SPOCK1: variants seen among roughly 807,000 people sequenced by gnomAD.
SPOCK1 encodes the protein SPARC (osteonectin), cwcv and kazal like domains proteoglycan 1, also known as testican-1.
Under a neutral mutation model 55.3 loss-of-function variants are expected in SPOCK1, and 23 were observed. The observed-to-expected ratio is 0.42, with a 90% confidence interval of 0.30 to 0.59. The LOEUF (loss-of-function observed/expected upper bound fraction) is 0.59, where lower values mean the gene tolerates loss of function less well. Ranked by LOEUF, SPOCK1 falls within the 20% of genes least tolerant of loss-of-function variation. The pLI, the probability that SPOCK1 is intolerant of heterozygous loss-of-function variation, is 0.22. For missense variants in SPOCK1, 499 were observed against 552.5 expected, an observed-to-expected ratio of 0.90 and a Z score of 0.97; for synonymous variants, 226 against 221.0, an observed-to-expected ratio of 1.02 and a Z score of -0.20.
At chr5:137,420,565 A>G (rs1389821832) in intron 2 of SPOCK1, among the ~76,000 whole-genome samples, 2 of 152,046 alleles carry the variant, frequency 1.3e-5, no homozygotes, top group East Asian at 1.9e-4. Flanking sequence ...TTTCTTCTAA[A>G]TTTTCTAGTT....
intron 3 of SPOCK1, among the ~76,000 whole-genome samples, chr5:137,162,421 G>T (rs1485217535): frequency 1.3e-5 from 2 of 152,116 alleles, no homozygotes; most frequent in African/African-American, 2.4e-5. Flanking sequence ...TTACAGGTGT[G>T]AGCCACTGCA....
chr5:137,243,164 A>T (rs531203407), intron 3 of SPOCK1, among the ~76,000 whole-genome samples: 97 of 152,294 alleles, frequency 6.4e-4, no homozygotes, highest in African/African-American at 2.3e-3. Context: ...TGTCCCACCT[A>T]CAACTGAGCC....
chr5:137,219,625 T>A (rs574553835), intron 3 of SPOCK1, among the ~76,000 whole-genome samples: 1 of 152,340 alleles, frequency 6.6e-6, no homozygotes, highest in East Asian at 1.9e-4. Flanking sequence ...AAGTATACCT[T>A]ATTGCCAGAA....
At chr5:137,147,923 C>A (rs1754234817) in intron 3 of SPOCK1, among the ~76,000 whole-genome samples, 1 of 152,134 alleles carries the variant, frequency 6.6e-6, no homozygotes, top group African/African-American at 2.4e-5. Flanking sequence ...GATGAGAAAA[C>A]CAATTTGAAA....
chr5:137,364,816 G>C (rs971712450), intron 2 of SPOCK1: 6 of 152,222 alleles, frequency 3.9e-5, no homozygotes, highest in Admixed American at 1.3e-4. Flanking sequence ...TCCTAGCTGA[G>C]GCTCTGTCAC....
chr5:137,245,199 C>G (rs761566104), intron 3 of SPOCK1, among the ~76,000 whole-genome samples: 2 of 152,250 alleles, frequency 1.3e-5, no homozygotes, highest in Non-Finnish European at 2.9e-5. Context: ...CAGGTGAGAG[C>G]TAACATAATT....
chr5:137,219,248 GT>G (rs1755800405), intron 3 of SPOCK1, among the ~76,000 whole-genome samples: 1 of 152,194 alleles, frequency 6.6e-6, no homozygotes, highest in Admixed American at 6.5e-5. Flanking sequence ...TATTTGCAGA[GT>G]GGTAAGTAAG....
At chr5:137,168,284 C>T (rs1754688260) in intron 3 of SPOCK1, among the ~76,000 whole-genome samples, 1 of 151,938 alleles carries the variant, frequency 6.6e-6, no homozygotes, top group Non-Finnish European at 1.5e-5. Flanking sequence ...TGGAAAGTCT[C>T]CAGGACATTG....
chr5:137,011,419 G>A lies in SPOCK1; in HGVS notation c.590-18819C>T, dbSNP rs547645570. Among the ~76,000 whole-genome samples, 11 of 152,242 alleles carry A rather than the reference G, an allele frequency of 7.2e-5. 1 individual carries two copies. In the Middle Eastern group the frequency reaches 0.02, roughly 282 times the overall value. On this transcript the variant is annotated intron_variant, in intron 6 of 10. Transcript: ENST00000394945. The stretch of plus-strand genomic sequence containing the variant: ...AATTATACCCCATAACGTGCCTTGA[G>A]ATTGAATTCATGGTGTAATGAGGTT...
At chr5:137,323,225 A>C (rs1336318253) in intron 2 of SPOCK1, among the ~76,000 whole-genome samples, 1 of 152,238 alleles carries the variant, frequency 6.6e-6, no homozygotes, top group Non-Finnish European at 1.5e-5. Context: ...TCCCCAATCA[A>C]AAGACATAGG....
chr5:136,978,874 G>C, intron 10 of SPOCK1, 30 bp from the exon 11 acceptor site: 1 of 1,584,460 alleles, frequency 6.3e-7, no homozygotes, highest in Non-Finnish European at 8.6e-7. Flanking sequence ...ATTGAGGTTA[G>C]TTTCCACTTA....
At chr5:137,492,706 G>C (rs938326022) in intron 2 of SPOCK1, among the ~76,000 whole-genome samples, 2 of 152,148 alleles carry the variant, frequency 1.3e-5, no homozygotes, top group Non-Finnish European at 2.9e-5. Flanking sequence ...TGGGGGGAGG[G>C]CACAATGAGA....
intron 2 of SPOCK1, among the ~76,000 whole-genome samples, chr5:137,418,867 G>A (rs1220572362): frequency 3.3e-5 from 5 of 152,140 alleles, no homozygotes; most frequent in African/African-American, 4.8e-5. Flanking sequence ...TAGACATGAA[G>A]TCCTGCCCAT....
intron 2 of SPOCK1, among the ~76,000 whole-genome samples, chr5:137,464,075 G>C (rs1215046017): frequency 6.6e-6 from 1 of 152,224 alleles, no homozygotes; most frequent in Non-Finnish European, 1.5e-5. Flanking sequence ...AAGGAGGGCA[G>C]ATCACTTGAT....
At chr5:137,259,420 A>ATAAG (rs1005481079) in intron 3 of SPOCK1, among the ~76,000 whole-genome samples, 31 of 152,160 alleles carry the variant, frequency 2.0e-4, no homozygotes, top group African/African-American at 7.0e-4. Context: ...GTTCTCACTC[A>ATAAG]TAAGTGGGAG....
chr5:137,337,368 C>G (rs2127154199), intron 2 of SPOCK1, among the ~76,000 whole-genome samples: 1 of 152,298 alleles, frequency 6.6e-6, no homozygotes, highest in South Asian at 2.1e-4. Flanking sequence ...ATGACCAAAA[C>G]ACATTTCCAC....
chr5:137,429,784 C>T (rs755311682), intron 2 of SPOCK1, among the ~76,000 whole-genome samples: 15 of 152,164 alleles, frequency 9.9e-5, no homozygotes, highest in South Asian at 4.1e-4. Context: ...CCATCTATAA[C>T]CCAAAAGAGA....
At chr5:137,325,445 A>T (rs773065897) in intron 2 of SPOCK1, among the ~76,000 whole-genome samples, 1 of 152,220 alleles carries the variant, frequency 6.6e-6, no homozygotes. Context: ...TCTTGTATAC[A>T]AACACTTCTC....
intron 2 of SPOCK1, among the ~76,000 whole-genome samples, chr5:137,331,767 A>G (rs1758188282): frequency 6.6e-6 from 1 of 152,042 alleles, no homozygotes; most frequent in Non-Finnish European, 1.5e-5. Context: ...CGCTCCCACG[A>G]TCCAATCACC....
Sources: gnomAD v4.1 joint callset for allele counts (sites outside exome capture counted in the v4.1 genomes callset) on GRCh38, gnomAD v4.1.1 for gene constraint, MANE v1.5 for transcripts, NCBI Gene and HGNC (gene_info 2026-07-23, HGNC 2026-07-21) for gene names.